The following NTRK2 variants were observed in gnomAD, a reference collection of about 807,000 sequenced individuals.
NTRK2 encodes the protein neurotrophic receptor tyrosine kinase 2, also known as BDNF/NT-3 growth factors receptor.
Under a neutral mutation model 94.5 loss-of-function variants are expected in NTRK2, and 13 were observed. The observed-to-expected ratio is 0.14, with a 90% CI of 0.09 to 0.22. The LOEUF is 0.22. NTRK2 is among the 10% of genes least tolerant of loss of function. NTRK2 has a pLI of 1.00. For synonymous variants in NTRK2, 372 were observed against 407.4 expected (o/e 0.91, Z 1.05); for missense variants, 639 against 1,071.2 (o/e 0.60, Z 5.63).
At chr9:84,936,397 C>T (rs1050655490) in intron 15 of NTRK2, among the ~76,000 whole-genome samples, 7 of 152,208 alleles carry the variant, frequency 4.6e-5, no homozygotes, top group African/African-American at 9.6e-5. Context: ...CAGCTGGTGA[C>T]AGTGATGTTT....
chr9:84,788,377 C>T (rs1029048991), intron 12 of NTRK2, among the ~76,000 whole-genome samples: 5 of 152,166 alleles, frequency 3.3e-5, no homozygotes, highest in Non-Finnish European at 7.3e-5. Flanking sequence ...AGTGCTGGGA[C>T]TATAGAGAGG....
chr9:84,883,055 C>T (rs1395701572), intron 14 of NTRK2, among the ~76,000 whole-genome samples: 1 of 152,210 alleles, frequency 6.6e-6, no homozygotes, highest in Admixed American at 6.5e-5. Flanking sequence ...GCATGAGCCA[C>T]CACACCTGGC....
chr9:84,889,112 T>TC (rs1334907606), intron 14 of NTRK2, among the ~76,000 whole-genome samples: 3 of 144,120 alleles, frequency 2.1e-5, no homozygotes, highest in Non-Finnish European at 3.0e-5. Flanking sequence ...TGCCTCAGCC[T>TC]CCCGAGTAGC....
chr9:84,860,581 T>C (rs982478615), intron 12 of NTRK2, among the ~76,000 whole-genome samples: 1 of 152,186 alleles, frequency 6.6e-6, no homozygotes, highest in African/African-American at 2.4e-5. Context: ...TTTTCCCACA[T>C]TGCTGCGGTT....
At chr9:84,702,641 C>T (rs1301222157) in intron 4 of NTRK2, among the ~76,000 whole-genome samples, 1 of 152,120 alleles carries the variant, frequency 6.6e-6, no homozygotes, top group Non-Finnish European at 1.5e-5. Flanking sequence ...AATTTCTGGG[C>T]CAGTTCCATC....
intron 9 of NTRK2, among the ~76,000 whole-genome samples, chr9:84,737,144 G>A (rs1936431): frequency 6.6e-6 from 1 of 152,166 alleles, no homozygotes; most frequent in East Asian, 1.9e-4. Context: ...TAGAGCATTA[G>A]AGGGAGACTA....
chr9:84,805,508 C>T (rs1857415), intron 12 of NTRK2, among the ~76,000 whole-genome samples: 14,854 of 152,178 alleles, frequency 0.098, 800 homozygotes, highest in East Asian at 0.17. Context: ...AATGTGATTT[C>T]GTACTGGAAG....
intron 14 of NTRK2, among the ~76,000 whole-genome samples, chr9:84,924,395 G>A (rs1438465965): frequency 6.6e-6 from 1 of 152,158 alleles, no homozygotes; most frequent in African/African-American, 2.4e-5. Context: ...AGGGCACAGG[G>A]ACACAGAGTC....
chr9:84,762,721 G>A (rs1050859937), intron 12 of NTRK2, among the ~76,000 whole-genome samples: 13 of 152,092 alleles, frequency 8.5e-5, no homozygotes, highest in Non-Finnish European at 1.3e-4. Flanking sequence ...TACCCTTTTA[G>A]CCCTTTCTGT....
At position 84,670,602 on chromosome 9, in the gene NTRK2, C is replaced by T; in HGVS notation, c.-147C>T. On this transcript the variant is annotated 5_prime_UTR_variant, in exon 2 of 19. Coordinates refer to ENST00000277120, the MANE Select transcript of NTRK2 (RefSeq NM_006180.6). ...ACTCTTCGCTCCGGACCAGCTCAGC[C>T]TCTGATAAGCTGGACTCGGCACGCC... The T allele has an allele frequency of 1.2e-6, 1 of 801,436 alleles. No individual in the cohort carries two copies. Among genetic ancestry groups the T allele is most frequent in the South Asian group, 1.5e-5 (1 of 66,134 alleles). The allele number at this position is 801,436 out of a possible 1,614,324, so 49.6% of individuals were successfully genotyped here. A position where few individuals can be genotyped will look rare whatever the true frequency, so the allele number is the denominator to read the frequency against.
At chr9:85,003,762 G>A (rs1187776324) in intron 17 of NTRK2, among the ~76,000 whole-genome samples, 1 of 151,754 alleles carries the variant, frequency 6.6e-6, no homozygotes, top group Non-Finnish European at 1.5e-5. Flanking sequence ...CTACTGTGAG[G>A]ATCCGGGCAA....
At chr9:84,747,591 C>T (rs1317513707) in intron 11 of NTRK2, among the ~76,000 whole-genome samples, 1 of 151,236 alleles carries the variant, frequency 6.6e-6, no homozygotes, top group Admixed American at 6.6e-5. Context: ...CATTCTCCTG[C>T]CTCAGCCTCC....
chr9:84,752,520 C>G (rs1226922445), intron 12 of NTRK2, among the ~76,000 whole-genome samples: 1 of 152,154 alleles, frequency 6.6e-6, no homozygotes, highest in Non-Finnish European at 1.5e-5. Context: ...TTTCCAGATC[C>G]TCATTCTTTG....
chr9:84,961,373 G>C (rs1460335135), intron 17 of NTRK2, among the ~76,000 whole-genome samples: 4 of 152,124 alleles, frequency 2.6e-5, no homozygotes, highest in African/African-American at 9.7e-5. Context: ...AAAACCATAA[G>C]AGTTTGTTTA....
At chr9:84,900,206 C>G (rs1325295046) in intron 14 of NTRK2, among the ~76,000 whole-genome samples, 1 of 152,118 alleles carries the variant, frequency 6.6e-6, no homozygotes, top group Non-Finnish European at 1.5e-5. Context: ...AAAATGAGTG[C>G]TGGTTCGGGT....
Position 85,025,284 on chromosome 9 carries a change from C to CT in NTRK2, c.*3850dup. 1 of 233,204 alleles carries CT rather than the reference C, an allele frequency of 4.3e-6. No homozygotes were observed. The allele number at this position is 233,204 out of a possible 1,614,324, so 14.4% of individuals were successfully genotyped here. A position where few individuals can be genotyped will look rare whatever the true frequency, so the allele number is the denominator to read the frequency against. ...GTAATGGTCCAGGAAAGGAACATTGCTTTCTTTTTGTCTTTCAGCACATTT... is the reference window on the plus strand; with the variant it reads ...GTAATGGTCCAGGAAAGGAACATTGCTTTTCTTTTTGTCTTTCAGCACATTT... On this transcript the variant is annotated 3_prime_UTR_variant, in exon 19 of 19. Coordinates refer to ENST00000277120, the MANE Select transcript of NTRK2 (RefSeq NM_006180.6).
chr9:84,939,642 A>T (rs1354096552), intron 15 of NTRK2, among the ~76,000 whole-genome samples: 1 of 152,162 alleles, frequency 6.6e-6, no homozygotes, highest in Admixed American at 6.5e-5. Flanking sequence ...GCCTCAGGGG[A>T]ATACAAGCAA....
intron 15 of NTRK2, among the ~76,000 whole-genome samples, chr9:84,945,965 C>A (rs1287494746): frequency 6.6e-6 from 1 of 152,194 alleles, no homozygotes; most frequent in Non-Finnish European, 1.5e-5. Flanking sequence ...CCCTGGGGAA[C>A]TTCACCTGTG....
intron 14 of NTRK2, among the ~76,000 whole-genome samples, chr9:84,885,421 A>G (rs950208336): frequency 6.6e-6 from 1 of 152,222 alleles, no homozygotes; most frequent in Non-Finnish European, 1.5e-5. Flanking sequence ...TTTATATTAA[A>G]GACACCATTT....
Sources: allele counts gnomAD v4.1 joint callset (sites outside exome capture counted in the v4.1 genomes callset), GRCh38; gene constraint gnomAD v4.1.1; transcripts MANE v1.5; gene names NCBI Gene and HGNC (gene_info 2026-07-23, HGNC 2026-07-21).